The following SIPA1L3 variants were observed in gnomAD, a reference collection of about 807,000 sequenced individuals.
The protein encoded by SIPA1L3 is signal induced proliferation associated 1 like 3.
In SIPA1L3, 59 loss-of-function variants were observed where a neutral mutation model predicts 150.1. The ratio of observed to expected loss-of-function variants is 0.39; its 90% confidence interval spans 0.32 to 0.49. The LOEUF (loss-of-function observed/expected upper bound fraction) is 0.49, where lower values mean the gene tolerates loss of function less well. SIPA1L3 is among the 20% of genes least tolerant of loss of function. SIPA1L3 has a pLI of 0.86. For missense variants in SIPA1L3, 2,211 were observed against 2,489.5 expected (o/e 0.89, Z 2.38); for synonymous variants, 1,070 against 1,077.6 (o/e 0.99, Z 0.14).
intron 2 of SIPA1L3, among the ~76,000 whole-genome samples, chr19:38,048,687 A>G (rs1969115939): frequency 6.6e-6 from 1 of 152,200 alleles, no homozygotes; most frequent in African/African-American, 2.4e-5. Flanking sequence ...GTCAGGCCCA[A>G]CAGATTTTGT....
intron 1 of SIPA1L3, among the ~76,000 whole-genome samples, chr19:38,009,629 C>T (rs953421041): frequency 6.6e-6 from 1 of 152,106 alleles, no homozygotes; most frequent in Admixed American, 6.5e-5. Context: ...GATATTACTC[C>T]TCCCACCATG....
chr19:38,148,813 C>T (rs543190403), intron 12 of SIPA1L3, among the ~76,000 whole-genome samples: 1 of 152,270 alleles, frequency 6.6e-6, no homozygotes, highest in East Asian at 1.9e-4. Flanking sequence ...GAAACCATAG[C>T]TAGTCAGCTC....
chr19:38,053,279 G>A (rs1230256267), intron 2 of SIPA1L3, among the ~76,000 whole-genome samples: 3 of 152,232 alleles, frequency 2.0e-5, no homozygotes, highest in Admixed American at 6.5e-5. Flanking sequence ...TTGCTAAGGT[G>A]ACCTGGGCCC....
At chr19:38,083,384 T>G (rs1970052444) in intron 3 of SIPA1L3, among the ~76,000 whole-genome samples, 1 of 152,256 alleles carries the variant, frequency 6.6e-6, no homozygotes, top group Non-Finnish European at 1.5e-5. Context: ...CCAGGCACTC[T>G]CTAGAGCCTG....
Position 38,083,111 on chromosome 19 carries a change from C to A in SIPA1L3, c.1534+12C>A, listed in dbSNP as rs1021450075. ...CTTCGTGGGCAAAGGTGACGGATGG[C>A]GTGTGGGTGGGAAGGTTGGGTGGGC... is the stretch of plus-strand genomic sequence containing the variant. On this transcript the variant is annotated intron_variant, in intron 3 of 21. Transcript: ENST00000222345. The A allele has an allele frequency of 1.3e-6, 2 of 1,599,008 alleles. No homozygotes were observed. The highest frequency in any genetic ancestry group is 1.7e-5 in the Admixed American group (1 of 59,780).
rs1972937633 is a variant in SIPA1L3, at chr19:38,196,396, A to AGAGCATGGAGGTCAAGGGCG, written c.4841-1988_4841-1987insTGGAGGTCAAGGGCGGAGCA. On this transcript the variant is annotated intron_variant, in intron 18 of 21. Coordinates refer to ENST00000222345, the MANE Select transcript of SIPA1L3 (RefSeq NM_015073.3). The stretch of plus-strand genomic sequence containing the variant: ...AGGGCGGAGCATGGAGGTCAAGGGC[A>AGAGCATGGAGGTCAAGGGCG]GAGCAAGGAGGTCAAGGGCAGAGCA... 2.1e-3 allele frequency among the ~76,000 whole-genome samples: 103 copies of AGAGCATGGAGGTCAAGGGCG among 49,146 alleles called. 1 individual carries two copies. The East Asian group carries it at 0.044, about 21-fold the overall frequency. 32.2% of individuals were successfully genotyped at this position (49,146 alleles called of 152,430 possible). A position where few individuals can be genotyped will look rare whatever the true frequency, so the allele number is the denominator to read the frequency against.
intron 1 of SIPA1L3, among the ~76,000 whole-genome samples, chr19:37,914,955 G>A (rs1470122521): frequency 6.6e-6 from 1 of 152,090 alleles, no homozygotes; most frequent in East Asian, 1.9e-4. Flanking sequence ...TTACAGATGA[G>A]GAAACTGATT....
intron 4 of SIPA1L3, among the ~76,000 whole-genome samples, chr19:38,092,129 C>G (rs1030395380): frequency 6.6e-6 from 1 of 151,326 alleles, no homozygotes; most frequent in African/African-American, 2.4e-5. Flanking sequence ...GTAATCCCAG[C>G]ATTTTGGGGT....
chr19:38,032,968 A>G (rs1315156770), intron 2 of SIPA1L3, among the ~76,000 whole-genome samples: 1 of 152,244 alleles, frequency 6.6e-6, no homozygotes, highest in Non-Finnish European at 1.5e-5. Context: ...TCACAGGGCA[A>G]TTTTCGGACA....
intron 13 of SIPA1L3, among the ~76,000 whole-genome samples, chr19:38,159,146 C>T (rs1453833170): frequency 6.6e-6 from 1 of 152,200 alleles, no homozygotes; most frequent in East Asian, 1.9e-4. Context: ...CCCACTTTCT[C>T]GCATCCATGG....
chr19:38,059,446 G>A (rs954628552), intron 2 of SIPA1L3, among the ~76,000 whole-genome samples: 1 of 151,560 alleles, frequency 6.6e-6, no homozygotes, highest in South Asian at 2.1e-4. Context: ...TGGGACTACA[G>A]GTGCCTGCCA....
At chr19:38,101,968 T>A (rs1411726166) in intron 6 of SIPA1L3, among the ~76,000 whole-genome samples, 2 of 152,140 alleles carry the variant, frequency 1.3e-5, no homozygotes, top group Non-Finnish European at 2.9e-5. Context: ...TGCTTCGTGC[T>A]GCGCAAAGAC....
chr19:38,183,431 G>A (rs1342910427), intron 16 of SIPA1L3, among the ~76,000 whole-genome samples: 1 of 152,110 alleles, frequency 6.6e-6, no homozygotes, highest in Non-Finnish European at 1.5e-5. Context: ...GGGCTTGCTG[G>A]CAGGGTGGAT....
intron 13 of SIPA1L3, among the ~76,000 whole-genome samples, chr19:38,154,668 G>A (rs1489455933): frequency 2.6e-5 from 4 of 151,878 alleles, no homozygotes; most frequent in East Asian, 1.9e-4. Flanking sequence ...GGCTCGTCTC[G>A]AACTCCTGAC....
chr19:37,916,392 C>T (rs1023185426), intron 1 of SIPA1L3, among the ~76,000 whole-genome samples: 2 of 150,898 alleles, frequency 1.3e-5, no homozygotes, highest in African/African-American at 4.9e-5. Context: ...CCCAGCTACT[C>T]AGGAGGCTGA....
intron 1 of SIPA1L3, among the ~76,000 whole-genome samples, chr19:37,935,342 G>A: frequency 6.6e-6 from 1 of 152,120 alleles, no homozygotes; most frequent in Non-Finnish European, 1.5e-5. Flanking sequence ...AGAGATTTTT[G>A]TTGGGATTTG....
chr19:38,130,716 C>T lies in SIPA1L3; in HGVS notation c.3087C>T (p.Thr1029=), dbSNP rs779454983. The change falls in exon 10 of 22, where the codon ACC becomes ACT. Residue 1029 remains threonine (T), a synonymous_variant. Transcript: ENST00000222345. ...ACCAGATGATCGACCTGCTGCGCAC[C>T]TCTGTCACTGTGAAGGTGGTCATCA... The part of the protein sequence containing the change: ...THDQMIDLLR[T]SVTVKVVIIP... The T allele has an allele frequency of 1.9e-6, 3 of 1,613,838 alleles. No individual in the cohort carries two copies. Among genetic ancestry groups the T allele is most frequent in the African/African-American group, 2.7e-5 (2 of 74,954 alleles).
intron 1 of SIPA1L3, among the ~76,000 whole-genome samples, chr19:37,936,517 A>G (rs1208445270): frequency 6.6e-6 from 1 of 152,246 alleles, no homozygotes; most frequent in Non-Finnish European, 1.5e-5. Context: ...TAGTCTAATG[A>G]TAAGAATAGT....
intron 9 of SIPA1L3, among the ~76,000 whole-genome samples, chr19:38,126,628 C>T (rs1458304136): frequency 6.6e-6 from 1 of 151,902 alleles, no homozygotes; most frequent in East Asian, 2.0e-4. Flanking sequence ...CCTCCGCCTC[C>T]CCGGTTCAAG....
Sources: gnomAD v4.1 joint callset for allele counts (sites outside exome capture counted in the v4.1 genomes callset) on GRCh38, gnomAD v4.1.1 for gene constraint, MANE v1.5 for transcripts, NCBI Gene and HGNC (gene_info 2026-07-23, HGNC 2026-07-21) for gene names.